The following PIEZO2 variants were observed in gnomAD, a reference collection of about 807,000 sequenced individuals.
PIEZO2 encodes piezo-type mechanosensitive ion channel component 2.
In PIEZO2, 172 loss-of-function variants were observed where a neutral mutation model predicts 337.3. The observed-to-expected ratio is 0.51, with a 90% CI of 0.45 to 0.58. The LOEUF (loss-of-function observed/expected upper bound fraction) is 0.58. PIEZO2 is among the 20% of genes least tolerant of loss of function. PIEZO2 has a pLI of 0.00. For missense variants in PIEZO2, 3,028 were observed against 3,391.3 expected, an observed-to-expected ratio of 0.89 and a Z score of 2.66; for synonymous variants, 1,251 against 1,228.5, an observed-to-expected ratio of 1.02 and a Z score of -0.38.
In PIEZO2 at chr18:11,146,162, T is replaced by C. The variant is rs1253594965; in HGVS notation, c.64+2363A>G. On this transcript the variant is annotated intron_variant, in intron 1 of 55. Transcript: ENST00000674853. This position sits in a 1 kb window ranked among gnomAD's most constrained non-coding sequence, Gnocchi z 6.1. ...GGTGTGGGAGTCCTGAAGAATGAGC[T>C]GGATAAAGAAGGCAGCCCCAGGATC... Among the ~76,000 whole-genome samples the C allele has an allele frequency of 6.6e-6, 1 of 152,090 alleles. No homozygotes were observed. The highest frequency in any genetic ancestry group is 1.9e-4 in the East Asian group (1 of 5,182).
intron 3 of PIEZO2, among the ~76,000 whole-genome samples, chr18:10,932,680 T>G (rs935881872): frequency 6.6e-6 from 1 of 152,010 alleles, no homozygotes; most frequent in Non-Finnish European, 1.5e-5. Flanking sequence ...CCCAGCACTT[T>G]GGGAGGCAGA....
chr18:11,145,690 T>C (rs1169383316), intron 1 of PIEZO2, among the ~76,000 whole-genome samples: 1 of 152,210 alleles, frequency 6.6e-6, no homozygotes, highest in Non-Finnish European at 1.5e-5. Context: ...CTTGGAAATC[T>C]CCACTTCTTG....
chr18:10,904,613 T>G (rs186302404), intron 4 of PIEZO2, among the ~76,000 whole-genome samples: 4 of 152,348 alleles, frequency 2.6e-5, no homozygotes, highest in Admixed American at 2.6e-4. Flanking sequence ...CAAGAGCCAC[T>G]GCCTGGTATG....
chr18:10,996,370 A>T (rs1301549338), intron 2 of PIEZO2, among the ~76,000 whole-genome samples: 2 of 152,236 alleles, frequency 1.3e-5, no homozygotes, highest in Non-Finnish European at 2.9e-5. Flanking sequence ...TTCACATAAT[A>T]AAAAATAGAT....
chr18:10,701,187 C>T (rs114772414), intron 43 of PIEZO2, among the ~76,000 whole-genome samples: 18 of 152,062 alleles, frequency 1.2e-4, no homozygotes, highest in African/African-American at 3.1e-4. Flanking sequence ...AAGGTTAAGA[C>T]GAGGGAAAGA....
At position 10,789,171 on chromosome 18, in the gene PIEZO2, C is replaced by T. The variant is rs1297078519; in HGVS notation, c.2077G>A (p.Gly693Ser). 6 of 1,537,138 alleles carry T rather than the reference C, an allele frequency of 3.9e-6. No individual in the cohort carries two copies. Among genetic ancestry groups the T allele is most frequent in the Non-Finnish European group, 5.2e-6 (6 of 1,146,914 alleles). The change falls in exon 15 of 56, where the codon GGC (glycine) becomes AGC (serine). Residue 693 changes from glycine to serine, a missense_variant. By Grantham distance (56) the Gly-to-Ser change is moderately conservative (BLOSUM62 0). Coordinates refer to ENST00000674853, the MANE Select transcript of PIEZO2 (RefSeq NM_001378183.1). The stretch of plus-strand genomic sequence containing the variant: ...TCGAAGCTGACGAAGAAGAACATGC[C>T]TCCGCAGACGTAGATCCAGTACTTG... ...FIKYWIYVCGGMFFFVSFEGK... is the reference protein window; with the variant it reads ...FIKYWIYVCGSMFFFVSFEGK...
At chr18:10,812,887 C>T (rs1449945001) in intron 7 of PIEZO2, among the ~76,000 whole-genome samples, 1 of 152,134 alleles carries the variant, frequency 6.6e-6, no homozygotes, top group Non-Finnish European at 1.5e-5. Context: ...AGGATCCCAG[C>T]CATTGGCAAG....
intron 12 of PIEZO2, 34 bp downstream of exon 12, chr18:10,797,340 T>TATCATATTATACATATC (rs1555648886): frequency 1.5e-6 from 2 of 1,300,762 alleles, no homozygotes; most frequent in Admixed American, 2.1e-5. Flanking sequence ...ATATTATACA[T>TATCATATTATACATATC]ATCATATTAT....
Position 10,784,725 on chromosome 18 carries a change from T to C in PIEZO2, c.2492+59A>G. 7.6e-7 allele frequency: 1 copy of C among 1,313,376 alleles called. No homozygotes were observed. The highest frequency in any genetic ancestry group is 9.7e-7 in the Non-Finnish European group (1 of 1,030,072). The allele number at this position is 1,313,376 out of a possible 1,614,324, so 81.4% of individuals were successfully genotyped here. Reference sequence around the variant, plus strand: ...TTCTCGCAAGGTGGCCAACCTAAGGTAGGGTTGAAGAGCTGCCTTCCTGCT... The same window carrying C: ...TTCTCGCAAGGTGGCCAACCTAAGGCAGGGTTGAAGAGCTGCCTTCCTGCT... On this transcript the variant is annotated intron_variant, in intron 17 of 55. Transcript: ENST00000674853. This position sits in a 1 kb window ranked among gnomAD's most constrained non-coding sequence, Gnocchi z 4.5.
At chr18:10,812,413 ACACT>A (rs1214325859) in intron 7 of PIEZO2, among the ~76,000 whole-genome samples, 1 of 152,176 alleles carries the variant, frequency 6.6e-6, no homozygotes, top group Non-Finnish European at 1.5e-5. Flanking sequence ...GATGTAAAAA[ACACT>A]CATCGGGTAC....
chr18:11,139,573 A>T (rs997310606), intron 1 of PIEZO2, among the ~76,000 whole-genome samples: 1 of 152,110 alleles, frequency 6.6e-6, no homozygotes. Flanking sequence ...ATCCCATCCC[A>T]CCTAGACGAT....
intron 4 of PIEZO2, among the ~76,000 whole-genome samples, chr18:10,902,216 T>C (rs531111352): frequency 2.6e-5 from 4 of 152,198 alleles, no homozygotes; most frequent in Non-Finnish European, 5.9e-5. Flanking sequence ...CCCCCATCCG[T>C]GGAAAAATTG....
chr18:10,889,145 GT>G (rs2042687785), intron 4 of PIEZO2, among the ~76,000 whole-genome samples: 1 of 152,210 alleles, frequency 6.6e-6, no homozygotes, highest in Admixed American at 6.5e-5. Context: ...GTCCACCCAG[GT>G]GTGCACAGGT....
intron 5 of PIEZO2, among the ~76,000 whole-genome samples, chr18:10,866,026 A>C (rs73394758): frequency 4.0e-4 from 61 of 152,362 alleles, no homozygotes; most frequent in African/African-American, 1.5e-3. Context: ...AGATAGTTAA[A>C]GGTGAAAGGC....
intron 1 of PIEZO2, among the ~76,000 whole-genome samples, chr18:11,141,064 G>A (rs761409639): frequency 1.6e-4 from 25 of 152,152 alleles, no homozygotes; most frequent in Non-Finnish European, 2.2e-4. Flanking sequence ...TAACATACCC[G>A]CTCCAATCAC....
chr18:10,715,842 G>A lies in PIEZO2; in HGVS notation c.5090-26C>T, dbSNP rs753380436. Reference sequence around the variant, plus strand: ...CTAGGAGGAAGAAAGGCAACAAGATGTTAAAGGAACAAAATACCATTGATT... The same window carrying A: ...CTAGGAGGAAGAAAGGCAACAAGATATTAAAGGAACAAAATACCATTGATT... On this transcript the variant is annotated intron_variant, in intron 37 of 55. Coordinates refer to ENST00000674853, the MANE Select transcript of PIEZO2 (RefSeq NM_001378183.1). 6 of 1,476,924 alleles carry A rather than the reference G, an allele frequency of 4.1e-6. No individual in the cohort carries two copies. The South Asian group carries it at 6.4e-5, about 16-fold the overall frequency. 91.5% of individuals were successfully genotyped at this position (1,476,924 alleles called of 1,614,324 possible). A position where few individuals can be genotyped will look rare whatever the true frequency, so the allele number is the denominator to read the frequency against.
At chr18:10,791,448 A>G in intron 13 of PIEZO2, 124 bp from the exon 14 acceptor site, 1 of 1,125,598 alleles carries the variant, frequency 8.9e-7, no homozygotes, top group Non-Finnish European at 1.2e-6. Flanking sequence ...TTTATTGGAG[A>G]CAGAGTCAGG....
intron 27 of PIEZO2, among the ~76,000 whole-genome samples, chr18:10,754,944 T>C (rs1195808864): frequency 6.6e-6 from 1 of 152,114 alleles, no homozygotes; most frequent in African/African-American, 2.4e-5. Context: ...CATGACCTCC[T>C]TGGGCTGGGG....
At chr18:10,751,559 T>C (rs1266930374) in intron 28 of PIEZO2, among the ~76,000 whole-genome samples, 5 of 151,398 alleles carry the variant, frequency 3.3e-5, no homozygotes, top group Non-Finnish European at 7.4e-5. Flanking sequence ...TATTCATGGC[T>C]ACATAAACTT....
Sources: gnomAD v4.1 joint callset for allele counts (sites outside exome capture counted in the v4.1 genomes callset) on GRCh38, gnomAD v4.1.1 for gene constraint, Gnocchi (gnomAD v3.1) non-coding constraint, MANE v1.5 for transcripts, NCBI Gene and HGNC (gene_info 2026-07-23, HGNC 2026-07-21) for gene names.